AMPH: variants seen among roughly 807,000 people sequenced by gnomAD.
AMPH encodes the protein amphiphysin (Stiff-Mann syndrome with breast cancer 128kD autoantigen).
AMPH carries 49 observed loss-of-function variants against 99.1 expected under a neutral mutation model. The ratio of observed to expected loss-of-function variants is 0.49; its 90% CI spans 0.39 to 0.63. The LOEUF is 0.63. Among genes scored for constraint, AMPH ranks in the 20% least tolerant of loss-of-function variants. AMPH has a pLI of 0.00. For missense variants in AMPH, 759 were observed against 863.4 expected (o/e 0.88, Z 1.52); for synonymous variants, 314 against 317.3 (o/e 0.99, Z 0.11).
chr7:38,539,135 A>C (rs1406666263), intron 1 of AMPH, among the ~76,000 whole-genome samples: 1 of 152,228 alleles, frequency 6.6e-6, no homozygotes, highest in Non-Finnish European at 1.5e-5. Flanking sequence ...TGGTCAAACC[A>C]GGAGCAAATT....
At chr7:38,537,136 T>G (rs1337087711) in intron 1 of AMPH, among the ~76,000 whole-genome samples, 1 of 152,170 alleles carries the variant, frequency 6.6e-6, no homozygotes, top group Non-Finnish European at 1.5e-5. Context: ...GTTAAGTGGA[T>G]GTATTAGTAG....
At chr7:38,404,866 G>A (rs981303861) in intron 17 of AMPH, among the ~76,000 whole-genome samples, 1 of 152,102 alleles carries the variant, frequency 6.6e-6, no homozygotes, top group African/African-American at 2.4e-5. Flanking sequence ...GAACATCTGG[G>A]AGGTACTATA....
intron 11 of AMPH, among the ~76,000 whole-genome samples, chr7:38,444,252 G>T (rs1358441965): frequency 6.6e-6 from 1 of 152,058 alleles, no homozygotes; most frequent in Non-Finnish European, 1.5e-5. Context: ...CTATAGACTC[G>T]GTGCAACATG....
intron 5 of AMPH, among the ~76,000 whole-genome samples, chr7:38,485,454 T>C (rs1788452539): frequency 6.6e-6 from 1 of 151,932 alleles, no homozygotes; most frequent in African/African-American, 2.4e-5. Flanking sequence ...CATCTATATA[T>C]GTAAAGCAAA....
chr7:38,579,726 A>C (rs774746330), intron 1 of AMPH, among the ~76,000 whole-genome samples: 6 of 152,254 alleles, frequency 3.9e-5, no homozygotes, highest in Non-Finnish European at 7.3e-5. Context: ...ATAATTCCTT[A>C]GAGGAGAATG....
In AMPH at chr7:38,463,092, A is replaced by G. The variant is rs1244528324; in HGVS notation, c.771T>C (p.Ile257=). 1 of 1,613,108 alleles carries G rather than the reference A, an allele frequency of 6.2e-7. No homozygotes were observed. ...CCTCAGGCGGTGATGGTGTCTTTGC[A>G]ATGCGGAGAGGACCCGAATCACTAG... is the stretch of plus-strand genomic sequence containing the variant. ...GAPSDSGPLR[I]AKTPSPPEEP... is the part of the protein sequence containing the mutation. The change falls in exon 10 of 21, where the codon ATT becomes ATC. Residue 257 remains isoleucine (I), a synonymous_variant. Coordinates refer to ENST00000356264, the MANE Select transcript of AMPH (RefSeq NM_001635.4).
chr7:38,612,799 C>T (rs751080178), intron 1 of AMPH, among the ~76,000 whole-genome samples: 8 of 152,270 alleles, frequency 5.3e-5, no homozygotes, highest in Non-Finnish European at 1.2e-4. Flanking sequence ...TTATATACTA[C>T]GTGTTCAAAG....
intron 11 of AMPH, among the ~76,000 whole-genome samples, chr7:38,453,647 A>G (rs1787119826): frequency 6.6e-6 from 1 of 152,254 alleles, no homozygotes; most frequent in Non-Finnish European, 1.5e-5. Context: ...TTAAAAAGAA[A>G]GAACACTTCT....
chr7:38,494,364 A>G (rs1788843613), intron 4 of AMPH, 69 bp downstream of exon 4: 1 of 1,299,838 alleles, frequency 7.7e-7, no homozygotes, highest in African/African-American at 1.5e-5. Context: ...AAGTGGAAAG[A>G]GCAAGTCAGG....
At chr7:38,533,358 C>T (rs1790483951) in intron 2 of AMPH, among the ~76,000 whole-genome samples, 1 of 152,210 alleles carries the variant, frequency 6.6e-6, no homozygotes, top group Non-Finnish European at 1.5e-5. Flanking sequence ...GCTCCCCTCT[C>T]CCTTTTCTCA....
At chr7:38,501,766 CAAATAAAT>C (rs3056240) in intron 3 of AMPH, among the ~76,000 whole-genome samples, 93,249 of 147,954 alleles carry the variant, frequency 0.63, 29,386 homozygotes, top group Middle Eastern at 0.75. Context: ...AAAAGCATAC[CAAATAAAT>C]AAATAAATAA....
Position 38,580,658 on chromosome 7 carries a change from GGATGATGATGATGATGATGAT to G in AMPH, c.70-45668_70-45648del, listed in dbSNP as rs60977723. Among the ~76,000 whole-genome samples, 22 of 149,498 alleles carry G rather than the reference GGATGATGATGATGATGATGAT, an allele frequency of 1.5e-4. No homozygotes were observed. The South Asian group carries it at 4.3e-3, about 29-fold the overall frequency. On this transcript the variant is annotated intron_variant, in intron 1 of 20. Coordinates refer to ENST00000356264, the MANE Select transcript of AMPH (RefSeq NM_001635.4). ...GAGGATGAGAAGTCCAAGAGATATGGGATGATGATGATGATGATGATGATGATGATGATGATGATGATGACG... is the reference window on the plus strand; with the variant it reads ...GAGGATGAGAAGTCCAAGAGATATGGGATGATGATGATGATGATGATGACG...
Position 38,490,679 on chromosome 7 carries a change from C to T in AMPH, c.396+371G>A, listed in dbSNP as rs1372425955. ...CTCTCATATTTACAATGAAATTTCT[C>T]ACTTCCTTGTGACCACTGGTTATTC... On this transcript the variant is annotated intron_variant, in intron 5 of 20. Transcript: ENST00000356264. 4.6e-5 allele frequency among the ~76,000 whole-genome samples: 7 copies of T among 152,256 alleles called. No individual in the cohort carries two copies. The East Asian group carries it at 1.4e-3, about 29-fold the overall frequency.
intron 4 of AMPH, among the ~76,000 whole-genome samples, chr7:38,493,021 C>G (rs561336084): frequency 6.6e-6 from 1 of 152,136 alleles, no homozygotes; most frequent in Non-Finnish European, 1.5e-5. Context: ...AAATCTACAT[C>G]CTGAAAGTTT....
At chr7:38,398,106 CAAA>C (rs36053688) in intron 17 of AMPH, among the ~76,000 whole-genome samples, 8,004 of 65,606 alleles carry the variant, frequency 0.12, 313 homozygotes, top group East Asian at 0.32. Flanking sequence ...GGAGGTTCCT[CAAA>C]AAAAAAAAAA....
In AMPH at chr7:38,387,322, T is replaced by A. The variant is rs538581073; in HGVS notation, c.1981-2397A>T. Among the ~76,000 whole-genome samples, 4 of 152,294 alleles carry A rather than the reference T, an allele frequency of 2.6e-5. No homozygotes were observed. In the South Asian group the frequency reaches 8.3e-4, roughly 32 times the overall value. The stretch of plus-strand genomic sequence containing the variant: ...ATATGCCCTGAGATGGCCCAGCTGT[T>A]GGAATTAGCAGTAAGAAATTTAAGG... On this transcript the variant is annotated intron_variant, in intron 20 of 20. Coordinates refer to ENST00000356264, the MANE Select transcript of AMPH (RefSeq NM_001635.4).
intron 17 of AMPH, among the ~76,000 whole-genome samples, chr7:38,412,654 T>C (rs1785247616): frequency 6.6e-6 from 1 of 152,254 alleles, no homozygotes. Flanking sequence ...CTCTTCCCTA[T>C]GACTTCCTGC....
At chr7:38,441,831 A>ATCTATCATATC (rs1786552636) in intron 11 of AMPH, among the ~76,000 whole-genome samples, 1 of 91,196 alleles carries the variant, frequency 1.1e-5, no homozygotes, top group Non-Finnish European at 2.0e-5. Flanking sequence ...TATATCATAT[A>ATCTATCATATC]TATCATATAT....
intron 1 of AMPH, among the ~76,000 whole-genome samples, chr7:38,596,878 TC>T (rs1212891946): frequency 1.3e-5 from 2 of 152,236 alleles, no homozygotes; most frequent in East Asian, 3.9e-4. Context: ...TTCAGCCCAT[TC>T]TCTACTCCAG....
Sources: allele counts gnomAD v4.1 joint callset (sites outside exome capture counted in the v4.1 genomes callset), GRCh38; gene constraint gnomAD v4.1.1; transcripts MANE v1.5; gene names NCBI Gene and HGNC (gene_info 2026-07-23, HGNC 2026-07-21).